The following TP63 variants were observed in gnomAD, a reference collection of about 807,000 sequenced individuals.
TP63 encodes the protein tumor protein 63.
A neutral mutation model predicts 82.8 loss-of-function variants in TP63; 17 were observed. The ratio of observed to expected loss-of-function variants is 0.21; its 90% CI spans 0.14 to 0.31. The LOEUF (loss-of-function observed/expected upper bound fraction) is 0.31. Among genes scored for constraint, TP63 ranks in the 10% least tolerant of loss-of-function variants. The pLI is 1.00. For synonymous variants in TP63, 330 were observed against 321.7 expected, an observed-to-expected ratio of 1.03 and a Z score of -0.28; for missense variants, 648 against 895.3, an observed-to-expected ratio of 0.72 and a Z score of 3.52.
intron 3 of TP63, among the ~76,000 whole-genome samples, chr3:189,756,598 CA>C (rs375230926): frequency 3.1e-4 from 47 of 152,326 alleles, no homozygotes; most frequent in African/African-American, 1.1e-3. Flanking sequence ...TCTTCCCTTA[CA>C]AAAGGGGCTG....
chr3:189,685,563 A>G (rs1716366644), intron 1 of TP63, among the ~76,000 whole-genome samples: 1 of 152,174 alleles, frequency 6.6e-6, no homozygotes, highest in African/African-American at 2.4e-5. Context: ...AACTCCATCA[A>G]GGCATAAAAG....
chr3:189,795,532 A>G (rs1251569227), intron 3 of TP63, among the ~76,000 whole-genome samples: 1 of 152,034 alleles, frequency 6.6e-6, no homozygotes, highest in Non-Finnish European at 1.5e-5. Flanking sequence ...GGGAGGAAAG[A>G]CATTCTATGT....
At chr3:189,665,052 C>T (rs776465370) in intron 1 of TP63, among the ~76,000 whole-genome samples, 1 of 152,094 alleles carries the variant, frequency 6.6e-6, no homozygotes, top group South Asian at 2.1e-4. Context: ...AATAACCAAA[C>T]TCATCACTTC....
intron 4 of TP63, among the ~76,000 whole-genome samples, chr3:189,854,752 A>T (rs548794762): frequency 1.2e-4 from 19 of 152,300 alleles, no homozygotes; most frequent in Admixed American, 1.2e-3. Context: ...GAAAGGGCTT[A>T]TATTAAAAAC....
intron 3 of TP63, among the ~76,000 whole-genome samples, chr3:189,797,270 A>G (rs1725805662): frequency 6.6e-6 from 1 of 152,110 alleles, no homozygotes; most frequent in South Asian, 2.1e-4. Flanking sequence ...CTACAAAAGA[A>G]ATAGTTCTAC....
intron 3 of TP63, among the ~76,000 whole-genome samples, chr3:189,796,057 G>T (rs1447726465): frequency 6.6e-6 from 1 of 151,948 alleles, no homozygotes; most frequent in Non-Finnish European, 1.5e-5. Flanking sequence ...AGGACCAGAA[G>T]TCTTTTCTCT....
At chr3:189,680,422 C>T (rs1220472875) in intron 1 of TP63, among the ~76,000 whole-genome samples, 2 of 152,012 alleles carry the variant, frequency 1.3e-5, no homozygotes, top group African/African-American at 4.8e-5. Context: ...GAGAGACCAC[C>T]ACCAAACTCA....
intron 3 of TP63, among the ~76,000 whole-genome samples, chr3:189,786,870 A>G (rs566442512): frequency 6.6e-6 from 1 of 152,178 alleles, no homozygotes; most frequent in African/African-American, 2.4e-5. Flanking sequence ...TGGTTAGAAA[A>G]TTAATGCATG....
chr3:189,707,706 C>T (rs1190332329), intron 1 of TP63, among the ~76,000 whole-genome samples: 1 of 152,040 alleles, frequency 6.6e-6, no homozygotes. Flanking sequence ...AATGTTAATA[C>T]TAACATCATA....
At chr3:189,734,364 G>A (rs1174255020) in intron 1 of TP63, among the ~76,000 whole-genome samples, 1 of 151,816 alleles carries the variant, frequency 6.6e-6, no homozygotes, top group Non-Finnish European at 1.5e-5. Flanking sequence ...AAGAGACAGG[G>A]TTTCCTTGCC....
chr3:189,762,674 C>T (rs1722665874), intron 3 of TP63, among the ~76,000 whole-genome samples: 2 of 152,296 alleles, frequency 1.3e-5, no homozygotes, highest in Admixed American at 1.3e-4. Context: ...TCATGAAAAT[C>T]TCTTCCTTGG....
At chr3:189,823,753 A>G (rs1428495034) in intron 4 of TP63, among the ~76,000 whole-genome samples, 1 of 151,082 alleles carries the variant, frequency 6.6e-6, no homozygotes, top group Non-Finnish European at 1.5e-5. Flanking sequence ...GATGCTACCT[A>G]TCCTGAAGGG....
At chr3:189,862,045 G>A (rs904177466) in intron 4 of TP63, among the ~76,000 whole-genome samples, 1 of 152,138 alleles carries the variant, frequency 6.6e-6, no homozygotes, top group African/African-American at 2.4e-5. Context: ...TGAAACCCAG[G>A]TTTCGTAGTC....
intron 1 of TP63, among the ~76,000 whole-genome samples, chr3:189,648,518 A>AT (rs1712612722): frequency 6.8e-6 from 1 of 147,232 alleles, no homozygotes; most frequent in Non-Finnish European, 1.5e-5. Context: ...AATTCTTGGT[A>AT]CATTTACTTA....
chr3:189,670,081 A>G (rs934831612), intron 1 of TP63, among the ~76,000 whole-genome samples: 43 of 152,070 alleles, frequency 2.8e-4, no homozygotes, highest in African/African-American at 1.0e-3. Context: ...AATATTAGAA[A>G]TAAAAATAGA....
chr3:189,652,828 GT>G (rs1405605410), intron 1 of TP63, among the ~76,000 whole-genome samples: 1 of 146,594 alleles, frequency 6.8e-6, no homozygotes, highest in Non-Finnish European at 1.5e-5. Context: ...TTTATAAAGG[GT>G]TTGCCACTTT....
chr3:189,830,432 G>A (rs963243712), intron 4 of TP63, among the ~76,000 whole-genome samples: 10 of 152,054 alleles, frequency 6.6e-5, no homozygotes, highest in Non-Finnish European at 1.3e-4. Context: ...ATTGGAAATT[G>A]GATATCAGCA....
At chr3:189,843,074 G>A (rs949672838) in intron 4 of TP63, among the ~76,000 whole-genome samples, 3 of 152,154 alleles carry the variant, frequency 2.0e-5, no homozygotes, top group Admixed American at 6.5e-5. Context: ...CAAGGCTGGC[G>A]AGCTCCACCC....
intron 1 of TP63, among the ~76,000 whole-genome samples, chr3:189,731,386 A>G (rs1165561470): frequency 6.6e-6 from 1 of 152,172 alleles, no homozygotes. Flanking sequence ...TTCATGAAAT[A>G]TATCTGGTGT....
Sources: allele counts gnomAD v4.1 joint callset (sites outside exome capture counted in the v4.1 genomes callset), GRCh38; gene constraint gnomAD v4.1.1; transcripts MANE v1.5; gene names NCBI Gene and HGNC (gene_info 2026-07-23, HGNC 2026-07-21).